Variants in MOB1A observed in about 807,000 individuals in gnomAD.
MOB1A encodes the protein MOB1 Mps One Binder homolog A.
Under a neutral mutation model 25.1 loss-of-function variants are expected in MOB1A, and 10 were observed. The ratio of observed to expected loss-of-function variants is 0.40; its 90% CI spans 0.25 to 0.68. The LOEUF is 0.68. Ranked by LOEUF, MOB1A falls within the 30% of genes least tolerant of loss-of-function variation. The pLI, the probability that MOB1A is intolerant of heterozygous loss-of-function variation, is 0.40. For synonymous variants in MOB1A, 81 were observed against 79.5 expected, an observed-to-expected ratio of 1.02 and a Z score of -0.10; for missense variants, 177 against 256.3, an observed-to-expected ratio of 0.69 and a Z score of 2.11.
intron 5 of MOB1A, 88 bp from the exon 6 acceptor site, chr2:74,156,733 G>C: frequency 1.2e-6 from 1 of 842,638 alleles, no homozygotes; most frequent in Non-Finnish European, 1.9e-6. Flanking sequence ...CCCAACTCTA[G>C]TTTTCTGAAG....
chr2:74,177,962 T>C (rs1425936545), intron 1 of MOB1A: 1 of 152,258 alleles, frequency 6.6e-6, no homozygotes, highest in Non-Finnish European at 1.5e-5. Context: ...CCTATCAAGT[T>C]AATTGCTGTA....
At position 74,165,169 on chromosome 2, in the gene MOB1A, A is replaced by G. The variant is rs1003171119; in HGVS notation, c.409+49T>C. 1.5e-5 allele frequency: 21 copies of G among 1,390,068 alleles called. No individual in the cohort carries two copies. In the African/African-American group the frequency reaches 3.1e-4, roughly 20 times the overall value. 86.1% of individuals were successfully genotyped at this position (1,390,068 alleles called of 1,614,324 possible). A position where few individuals can be genotyped will look rare whatever the true frequency, so the allele number is the denominator to read the frequency against. On this transcript the variant is annotated intron_variant, in intron 4 of 5. Coordinates refer to ENST00000396049, the MANE Select transcript of MOB1A (RefSeq NM_018221.5). Reference sequence around the variant, plus strand: ...CCCCCCCAACTCTATTTATATTAATAAAATAAAATTTTAAAAAAAGAAAGA... The same window carrying G: ...CCCCCCCAACTCTATTTATATTAATGAAATAAAATTTTAAAAAAAGAAAGA...
chr2:74,165,152 A>G (rs1693093257), intron 4 of MOB1A, 66 bp downstream of exon 4: 2 of 1,279,616 alleles, frequency 1.6e-6, no homozygotes, highest in South Asian at 1.7e-5. Flanking sequence ...AACCCCCCCA[A>G]CTCTATTTAT....
In MOB1A at chr2:74,154,228, T is replaced by C. The variant is rs79357918; in HGVS notation, c.*2340A>G. 1,655 of 149,774 alleles carry C rather than the reference T, an allele frequency of 0.011. 33 individuals carry two copies. Among genetic ancestry groups the C allele is most frequent in the Non-Finnish European group, 0.013 (900 of 67,802 alleles). 9.3% of individuals were successfully genotyped at this position (149,774 alleles called of 1,614,324 possible). A position where few individuals can be genotyped will look rare whatever the true frequency, so the allele number is the denominator to read the frequency against. ...AAAAAAAAGATTGATTTCGTCAAAC[T>C]GTTATCAAAGGTTGGCCCTCTAGCC... On this transcript the variant is annotated 3_prime_UTR_variant, in exon 6 of 6. Coordinates refer to ENST00000396049, the MANE Select transcript of MOB1A (RefSeq NM_018221.5).
At chr2:74,170,552 T>C (rs542746904) in intron 2 of MOB1A, among the ~76,000 whole-genome samples, 117 of 151,696 alleles carry the variant, frequency 7.7e-4, no homozygotes, top group Admixed American at 1.7e-3. Flanking sequence ...CTGGCTAACA[T>C]GGCAAAACCT....
chr2:74,178,619 C>T lies in MOB1A; in HGVS notation c.14+42G>A, dbSNP rs371446990. ...GGTCCGGGGAGGCCTCCCCCACAACCTCGGCCCGCAGGCCCGGCGCCCGCG... is the reference window on the plus strand; with the variant it reads ...GGTCCGGGGAGGCCTCCCCCACAACTTCGGCCCGCAGGCCCGGCGCCCGCG... On this transcript the variant is annotated intron_variant, in intron 1 of 5. Coordinates refer to ENST00000396049, the MANE Select transcript of MOB1A (RefSeq NM_018221.5). The T allele has an allele frequency of 2.9e-5, 40 of 1,373,910 alleles. No homozygotes were observed. In the South Asian group the frequency reaches 6.2e-4, roughly 21 times the overall value. 85.1% of individuals were successfully genotyped at this position (1,373,910 alleles called of 1,614,324 possible). A position where few individuals can be genotyped will look rare whatever the true frequency, so the allele number is the denominator to read the frequency against.
intron 4 of MOB1A, among the ~76,000 whole-genome samples, chr2:74,162,191 G>A (rs1692993260): frequency 6.6e-6 from 1 of 151,960 alleles, no homozygotes; most frequent in African/African-American, 2.4e-5. Context: ...ACAAGAAAGT[G>A]AGAAAAAAGC....
rs1259703688 is a variant in MOB1A, at chr2:74,172,586, T to C, written c.181A>G (p.Thr61Ala). The change falls in exon 2 of 6, where the codon ACT (threonine) becomes GCT (alanine). Residue 61 changes from threonine (T) to alanine (A), a missense_variant and splice_region_variant. Coordinates refer to ENST00000396049, the MANE Select transcript of MOB1A (RefSeq NM_018221.5). ...EDLNEWIAVN[T>A]VDFFNQINML... is the part of the protein sequence containing the mutation. The stretch of plus-strand genomic sequence containing the variant: ...AGCAAAGTTACATTTTAAAACTTAC[T>C]GTTCACAGCAATCCATTCATTGAGA... The C allele has an allele frequency of 2.5e-6, 4 of 1,599,124 alleles. No individual in the cohort carries two copies. The highest frequency in any genetic ancestry group is 1.8e-5 in the Admixed American group (1 of 55,544).
At chr2:74,159,377 G>T in intron 4 of MOB1A, 123 bp from the exon 5 acceptor site, 1 of 816,468 alleles carries the variant, frequency 1.2e-6, no homozygotes, top group East Asian at 2.7e-5. Context: ...CTGCAGCCTC[G>T]ACCTCCTGGG....
intron 2 of MOB1A, 86 bp downstream of exon 2, chr2:74,172,500 G>A (rs1693321203): frequency 7.8e-7 from 1 of 1,282,930 alleles, no homozygotes; most frequent in East Asian, 2.3e-5. Flanking sequence ...TATTAAAACA[G>A]TTCTAACTGT....
rs931584912 is a variant in MOB1A, at chr2:74,152,696, C to A, written c.*3872G>T. ...ACTGACTTAGAAAAATAGATAAAGC[C>A]CCTAAGGATTTTAAAACACAACATA... is the stretch of plus-strand genomic sequence containing the variant. On this transcript the variant is annotated 3_prime_UTR_variant, in exon 6 of 6. Coordinates refer to ENST00000396049, the MANE Select transcript of MOB1A (RefSeq NM_018221.5). 1.3e-5 allele frequency: 2 copies of A among 151,936 alleles called. No homozygotes were observed. Among genetic ancestry groups the A allele is most frequent in the African/African-American group, 4.8e-5 (2 of 41,352 alleles). 9.4% of individuals were successfully genotyped at this position (151,936 alleles called of 1,614,324 possible).
intron 2 of MOB1A, among the ~76,000 whole-genome samples, chr2:74,171,772 G>A (rs1010577312): frequency 6.6e-6 from 1 of 152,026 alleles, no homozygotes; most frequent in Non-Finnish European, 1.5e-5. Flanking sequence ...GTGTGGTGGC[G>A]TGTGCCTGTA....
At chr2:74,173,991 A>G (rs1338200533) in intron 1 of MOB1A, among the ~76,000 whole-genome samples, 2 of 131,898 alleles carry the variant, frequency 1.5e-5, no homozygotes, top group Non-Finnish European at 3.2e-5. Flanking sequence ...GGCCATGGCT[A>G]GGTGCGGTGG....
rs1336851433 is a variant in MOB1A at position 74,178,819 on chromosome 2, C to T, written c.-145G>A. On this transcript the variant is annotated 5_prime_UTR_variant, in exon 1 of 6. Coordinates refer to ENST00000396049, the MANE Select transcript of MOB1A (RefSeq NM_018221.5). ...CTCGGAGCCGGGTTTCTGGCCGCTG[C>T]GAGCCTTTGCAAACCTCGGCGCCCG... 4.6e-6 allele frequency: 2 copies of T among 431,606 alleles called. No homozygotes were observed. The highest frequency in any genetic ancestry group is 4.9e-5 in the Admixed American group (1 of 20,598). 26.7% of individuals were successfully genotyped at this position (431,606 alleles called of 1,614,324 possible). A position where few individuals can be genotyped will look rare whatever the true frequency, so the allele number is the denominator to read the frequency against.
intron 1 of MOB1A, among the ~76,000 whole-genome samples, chr2:74,174,934 G>A (rs1168047438): frequency 6.6e-6 from 1 of 152,176 alleles, no homozygotes; most frequent in African/African-American, 2.4e-5. Context: ...TAATCTGAAT[G>A]TCAAAAGTTT....
chr2:74,167,003 A>G lies in MOB1A; in HGVS notation c.275+11T>C. The G allele has an allele frequency of 6.3e-7, 1 of 1,589,746 alleles. No homozygotes were observed. ...TAATCCAAACACCTATATAATAGGCAGTATATGTACCTCGGACCTGCAGAC... is the reference window on the plus strand; with the variant it reads ...TAATCCAAACACCTATATAATAGGCGGTATATGTACCTCGGACCTGCAGAC... On this transcript the variant is annotated intron_variant, in intron 3 of 5. Coordinates refer to ENST00000396049, the MANE Select transcript of MOB1A (RefSeq NM_018221.5).
intron 2 of MOB1A, 106 bp from the exon 3 acceptor site, chr2:74,167,213 T>C (rs1197660439): frequency 1.3e-6 from 1 of 757,576 alleles, no homozygotes; most frequent in South Asian, 1.7e-5. Flanking sequence ...AGCTGAACCC[T>C]TGAGACATTC....
At chr2:74,170,604 G>A (rs561480625) in intron 2 of MOB1A, among the ~76,000 whole-genome samples, 2 of 150,690 alleles carry the variant, frequency 1.3e-5, no homozygotes, top group Non-Finnish European at 1.5e-5. Context: ...GTGTGGTGGC[G>A]GGCACCTGTA....
chr2:74,176,981 A>G (rs1693492072), intron 1 of MOB1A, among the ~76,000 whole-genome samples: 1 of 152,280 alleles, frequency 6.6e-6, no homozygotes, highest in South Asian at 2.1e-4. Context: ...CCTGTCACAT[A>G]TGTTCACAGC....
Sources: allele counts gnomAD v4.1 joint callset (sites outside exome capture counted in the v4.1 genomes callset), GRCh38; gene constraint gnomAD v4.1.1; transcripts MANE v1.5; gene names NCBI Gene and HGNC (gene_info 2026-07-23, HGNC 2026-07-21).